The following NMNAT3 variants were observed in gnomAD, a reference collection of about 807,000 sequenced individuals.
NMNAT3 encodes the protein nicotinamide nucleotide adenylyltransferase 3.
NMNAT3 carries 21 observed loss-of-function variants against 24.8 expected under a neutral mutation model. That is an observed-to-expected ratio of 0.85 (90% CI 0.60 to 1.22). The LOEUF (loss-of-function observed/expected upper bound fraction) is 1.22, where lower values mean the gene tolerates loss of function less well. Ranked by LOEUF, NMNAT3 falls within the 50% of genes most tolerant of loss-of-function variation. The probability of loss-of-function intolerance (pLI) is 0.00; values close to 1 mark genes in which losing one functional copy is unlikely to be tolerated. For synonymous variants in NMNAT3, 136 were observed against 155.2 expected (o/e 0.88, Z 0.92); for missense variants, 387 against 436.6 (o/e 0.89, Z 1.01).
intron 3 of NMNAT3, among the ~76,000 whole-genome samples, chr3:139,612,964 A>G (rs1003419403): frequency 6.6e-6 from 1 of 152,164 alleles, no homozygotes; most frequent in African/African-American, 2.4e-5. Flanking sequence ...TCTTCCTTAC[A>G]CCTTATACAA....
intron 3 of NMNAT3, chr3:139,583,391 T>C (rs1319787849): frequency 5.7e-6 from 9 of 1,572,040 alleles, no homozygotes; most frequent in African/African-American, 1.4e-5. Flanking sequence ...TGTAGAGCAG[T>C]AGAACATTCT....
At chr3:139,593,494 T>C (rs1184742405) in intron 3 of NMNAT3, among the ~76,000 whole-genome samples, 2 of 152,096 alleles carry the variant, frequency 1.3e-5, no homozygotes, top group Non-Finnish European at 2.9e-5. Flanking sequence ...CTACCCCAAA[T>C]CAACAGAATA....
At chr3:139,629,556 C>G (rs933819166) in intron 2 of NMNAT3, among the ~76,000 whole-genome samples, 2 of 152,064 alleles carry the variant, frequency 1.3e-5, no homozygotes, top group African/African-American at 2.4e-5. Flanking sequence ...CATTTATTGC[C>G]TTTATTATTC....
At chr3:139,644,465 C>T (rs569070965) in intron 1 of NMNAT3, among the ~76,000 whole-genome samples, 55 of 152,286 alleles carry the variant, frequency 3.6e-4, no homozygotes, top group African/African-American at 1.3e-3. Context: ...CACTCAGTCA[C>T]TCTAAGAAGT....
At chr3:139,623,740 G>T (rs1255013978) in intron 3 of NMNAT3, among the ~76,000 whole-genome samples, 1 of 152,022 alleles carries the variant, frequency 6.6e-6, no homozygotes, top group African/African-American at 2.4e-5. Context: ...GTGCCACCAG[G>T]CCTGGCTAAT....
intron 3 of NMNAT3, among the ~76,000 whole-genome samples, chr3:139,617,794 AACTT>A (rs1188623207): frequency 1.3e-5 from 2 of 152,226 alleles, no homozygotes; most frequent in Non-Finnish European, 2.9e-5. Context: ...TTTGTTGGGA[AACTT>A]ACTTACACGT....
At chr3:139,665,728 GA>G (rs2057557337) in intron 1 of NMNAT3, among the ~76,000 whole-genome samples, 1 of 41,148 alleles carries the variant, frequency 2.4e-5, no homozygotes, top group African/African-American at 1.2e-4. Context: ...TGTAACAGGA[GA>G]GAGAGAGAGA....
At chr3:139,567,295 T>C (rs1576501452) in intron 6 of NMNAT3, 1 of 152,222 alleles carries the variant, frequency 6.6e-6, no homozygotes, top group East Asian at 1.9e-4. Context: ...TACAATCATG[T>C]CATCTGCAAA....
Position 139,589,305 on chromosome 3 carries a change from G to T in NMNAT3, c.110-6097C>A, listed in dbSNP as rs530125949. On this transcript the variant is annotated intron_variant, in intron 3 of 6. Transcript: ENST00000643695. ...GACATTCTATTTTCCCAGACTAGAAGGACATACATTTTCAGAATCAATGGT... is the reference window on the plus strand; with the variant it reads ...GACATTCTATTTTCCCAGACTAGAATGACATACATTTTCAGAATCAATGGT... Among the ~76,000 whole-genome samples the T allele has an allele frequency of 1.8e-3, 277 of 152,252 alleles. 1 individual carries two copies. The highest frequency in any genetic ancestry group is 4.4e-3 in the African/African-American group (184 of 41,560).
At chr3:139,605,600 C>T (rs1171611580) in intron 3 of NMNAT3, among the ~76,000 whole-genome samples, 1 of 152,150 alleles carries the variant, frequency 6.6e-6, no homozygotes, top group Non-Finnish European at 1.5e-5. Context: ...TTTATATTCT[C>T]ACAAAAATCT....
rs990475297 is a variant in NMNAT3, at chr3:139,578,871, C to T, written c.575+1G>A. ...TCACACAGGAGAGTGACTACCATTACCTCAGCACCTTCACTGTCTCCATCC... is the reference window on the plus strand; with the variant it reads ...TCACACAGGAGAGTGACTACCATTATCTCAGCACCTTCACTGTCTCCATCC... On this transcript the variant is annotated splice_donor_variant, in intron 5 of 6. Transcript: ENST00000643695. LOFTEE classifies it high-confidence loss of function. 1.9e-6 allele frequency: 3 copies of T among 1,613,186 alleles called. No individual in the cohort carries two copies. The highest frequency in any genetic ancestry group is 1.7e-6 in the Non-Finnish European group (2 of 1,179,458).
At chr3:139,671,767 AAAATG>A (rs369810969) in intron 1 of NMNAT3, among the ~76,000 whole-genome samples, 55 of 152,358 alleles carry the variant, frequency 3.6e-4, no homozygotes, top group African/African-American at 1.3e-3. Context: ...ACTGATCTTT[AAAATG>A]AAGATTTGAA....
intron 6 of NMNAT3, chr3:139,570,411 G>C (rs1303335715): frequency 1.3e-5 from 2 of 152,206 alleles, no homozygotes; most frequent in African/African-American, 4.8e-5. Context: ...TGGAGGAGGA[G>C]AGGCACTCTG....
intron 3 of NMNAT3, among the ~76,000 whole-genome samples, chr3:139,615,809 T>C (rs2055472824): frequency 6.6e-6 from 1 of 152,214 alleles, no homozygotes; most frequent in African/African-American, 2.4e-5. Flanking sequence ...ATTTTGCAGT[T>C]GCAAGCAATG....
chr3:139,634,322 T>C (rs769257083), intron 2 of NMNAT3: 11 of 152,234 alleles, frequency 7.2e-5, no homozygotes, highest in Admixed American at 2.0e-4. Context: ...CCCTGTTTAT[T>C]ATAGACATAA....
intron 5 of NMNAT3, chr3:139,575,517 A>G (rs1576540904): frequency 2.2e-6 from 2 of 906,646 alleles, no homozygotes; most frequent in South Asian, 5.1e-5. Flanking sequence ...CTAGATATAC[A>G]TGAAAGAGCT....
chr3:139,667,650 A>G (rs1360049996), intron 1 of NMNAT3, among the ~76,000 whole-genome samples: 1 of 152,152 alleles, frequency 6.6e-6, no homozygotes, highest in African/African-American at 2.4e-5. Context: ...TGCCTGGTTG[A>G]GCCCAGTCAA....
intron 5 of NMNAT3, among the ~76,000 whole-genome samples, chr3:139,575,030 C>T (rs1338923037): frequency 6.6e-6 from 1 of 152,098 alleles, no homozygotes; most frequent in Non-Finnish European, 1.5e-5. Flanking sequence ...TTAGCACCAG[C>T]CCATATACAG....
chr3:139,633,749 G>A (rs2056394419), intron 2 of NMNAT3, among the ~76,000 whole-genome samples: 2 of 152,152 alleles, frequency 1.3e-5, no homozygotes. Flanking sequence ...CGTGTAGGCA[G>A]GAGCTGATGT....
Sources: gnomAD v4.1 joint callset for allele counts (sites outside exome capture counted in the v4.1 genomes callset) on GRCh38, gnomAD v4.1.1 for gene constraint, MANE v1.5 for transcripts, NCBI Gene and HGNC (gene_info 2026-07-23, HGNC 2026-07-21) for gene names.